The following FRMD4A variants were observed in gnomAD, a reference collection of about 807,000 sequenced individuals.
FRMD4A encodes FERM domain containing 4A, also known as FERM domain-containing protein 4A.
In FRMD4A, 29 loss-of-function variants were observed where a neutral mutation model predicts 129.1. The observed-to-expected ratio is 0.22, with a 90% CI of 0.17 to 0.31. The LOEUF (loss-of-function observed/expected upper bound fraction) is 0.31. FRMD4A is among the 10% of genes least tolerant of loss of function. FRMD4A has a pLI of 1.00. For synonymous variants in FRMD4A, 634 were observed against 571.6 expected (o/e 1.11, Z -1.56); for missense variants, 1,272 against 1,375.8 (o/e 0.92, Z 1.19).
chr10:13,746,760 A>G (rs979044613), intron 9 of FRMD4A, among the ~76,000 whole-genome samples: 1 of 152,228 alleles, frequency 6.6e-6, no homozygotes, highest in African/African-American at 2.4e-5. Flanking sequence ...GGAACATCAG[A>G]GAAGAGGTAT....
chr10:13,794,012 A>T lies in FRMD4A; in HGVS notation c.299+2484T>A, dbSNP rs372601679. 4.2e-4 allele frequency among the ~76,000 whole-genome samples: 64 copies of T among 152,086 alleles called. 1 individual carries two copies. In the South Asian group the frequency reaches 0.012, roughly 29 times the overall value. On this transcript the variant is annotated intron_variant, in intron 5 of 24. Transcript: ENST00000357447. ...GGCTGGGACCCTGGTGATGAGCCCC[A>T]CCCCACCCTTGGAGGCTGCTTCAAT...
chr10:13,695,543 T>A (rs750483110), intron 14 of FRMD4A, among the ~76,000 whole-genome samples: 24 of 152,250 alleles, frequency 1.6e-4, no homozygotes, highest in Non-Finnish European at 2.8e-4. Flanking sequence ...TTGCTTGTTT[T>A]CTTCTTCAGG....
At chr10:13,684,892 A>G in intron 15 of FRMD4A, 1 of 984,188 alleles carries the variant, frequency 1.0e-6, no homozygotes, top group Non-Finnish European at 1.2e-6. Flanking sequence ...AAAAATGAAG[A>G]AGGCGGTATA....
intron 2 of FRMD4A, among the ~76,000 whole-genome samples, chr10:13,882,165 G>A (rs1370734233): frequency 1.3e-5 from 2 of 151,960 alleles, no homozygotes; most frequent in African/African-American, 4.8e-5. Flanking sequence ...TTGTGGATGT[G>A]GTCAGGGGTA....
At chr10:13,703,545 T>C (rs1252733876) in intron 13 of FRMD4A, among the ~76,000 whole-genome samples, 1 of 152,198 alleles carries the variant, frequency 6.6e-6, no homozygotes, top group African/African-American at 2.4e-5. Flanking sequence ...TATCTGGCGT[T>C]GCCCATCCTA....
chr10:14,010,662 G>GTTTTTTTTTTTTTT (rs1404083388), intron 2 of FRMD4A, among the ~76,000 whole-genome samples: 19 of 66,446 alleles, frequency 2.9e-4, no homozygotes, highest in East Asian at 7.1e-4. Context: ...TCGAGTTTAG[G>GTTTTTTTTTTTTTT]TCTTTTTTTT....
intron 2 of FRMD4A, among the ~76,000 whole-genome samples, chr10:14,279,243 G>A (rs868578711): frequency 6.9e-6 from 1 of 144,250 alleles, no homozygotes; most frequent in Non-Finnish European, 1.5e-5. Flanking sequence ...GGCTGGAGTA[G>A]AGTGGCGCCA....
rs2092677475 is a variant in FRMD4A at position 13,779,178 on chromosome 10, G to A, written c.384+3744C>T. 2.0e-5 allele frequency among the ~76,000 whole-genome samples: 3 copies of A among 152,224 alleles called. No individual in the cohort carries two copies. The South Asian group carries it at 6.2e-4, about 32-fold the overall frequency. On this transcript the variant is annotated intron_variant, in intron 6 of 24. Transcript: ENST00000357447. ...CTAAAAATACAAAAATTAGCCAGGT[G>A]TGATGGCTGGTGCCTATAATTCCAC...
chr10:14,308,739 C>A lies in FRMD4A; in HGVS notation c.45+21319G>T, dbSNP rs1846436540. Among the ~76,000 whole-genome samples the A allele has an allele frequency of 2.6e-5, 4 of 152,238 alleles. No homozygotes were observed. The South Asian group carries it at 8.3e-4, about 32-fold the overall frequency. ...TTGTTTGAAAACAATGTCCTGATACCCTGCTGTCTTCCCAGTAGGCCCAGG... is the reference window on the plus strand; with the variant it reads ...TTGTTTGAAAACAATGTCCTGATACACTGCTGTCTTCCCAGTAGGCCCAGG... On this transcript the variant is annotated intron_variant, in intron 2 of 24. Transcript: ENST00000357447.
chr10:13,888,350 A>G (rs1259117910), intron 2 of FRMD4A, among the ~76,000 whole-genome samples: 1 of 152,200 alleles, frequency 6.6e-6, no homozygotes, highest in African/African-American at 2.4e-5. Context: ...TCTTACATCA[A>G]TGCCTAACTT....
At chr10:13,871,029 A>G in intron 2 of FRMD4A, 1 of 159,734 alleles carries the variant, frequency 6.3e-6, no homozygotes. Context: ...ACACCAGCTA[A>G]CTGCATCCTC....
chr10:13,837,907 G>A (rs963742417), intron 3 of FRMD4A, among the ~76,000 whole-genome samples: 3 of 152,136 alleles, frequency 2.0e-5, no homozygotes, highest in Non-Finnish European at 4.4e-5. Flanking sequence ...CAGCAATCAG[G>A]AATCTGGTGG....
chr10:13,960,021 T>C (rs1473756057), intron 2 of FRMD4A, among the ~76,000 whole-genome samples: 1 of 152,112 alleles, frequency 6.6e-6, no homozygotes, highest in Non-Finnish European at 1.5e-5. Context: ...CAAAGCCTCA[T>C]GGTGTAGGAG....
chr10:13,802,199 G>C (rs1290253672), intron 4 of FRMD4A, among the ~76,000 whole-genome samples: 1 of 152,162 alleles, frequency 6.6e-6, no homozygotes. Context: ...TTAAGATATT[G>C]CTTTTAGCTT....
Position 14,301,333 on chromosome 10 carries a change from C to A in FRMD4A, c.45+28725G>T, listed in dbSNP as rs140826544. On this transcript the variant is annotated intron_variant, in intron 2 of 24. Coordinates refer to ENST00000357447, the MANE Select transcript of FRMD4A (RefSeq NM_018027.5). ...GTGATTCCTTCTACAAACTAATGAA[C>A]CTGAAGGTGGTTTTGAGAACCCCTC... 7.9e-3 allele frequency among the ~76,000 whole-genome samples: 1,210 copies of A among 152,258 alleles called. 8 individuals carry two copies. The highest frequency in any genetic ancestry group is 0.038 in the East Asian group (198 of 5,176).
chr10:14,250,649 C>T (rs1156586331), intron 2 of FRMD4A, among the ~76,000 whole-genome samples: 1 of 152,216 alleles, frequency 6.6e-6, no homozygotes, highest in Non-Finnish European at 1.5e-5. Context: ...AGAGAATTAG[C>T]TAGTTCTCTT....
intron 24 of FRMD4A, among the ~76,000 whole-genome samples, chr10:13,650,913 T>C (rs2134441829): frequency 6.6e-6 from 1 of 151,590 alleles, no homozygotes; most frequent in Non-Finnish European, 1.5e-5. Context: ...GACCCCCTCA[T>C]TTCTGAATCC....
In FRMD4A at chr10:14,330,507, T is replaced by C. The variant is rs75489190; in HGVS notation, c.-82+90A>G. ...GACAATTAAAATAAAACATTCCCTA[T>C]TGCAGATAAATCAAGCAGCCCGAGC... On this transcript the variant is annotated intron_variant, in intron 1 of 24. Coordinates refer to ENST00000357447, the MANE Select transcript of FRMD4A (RefSeq NM_018027.5). The C allele has an allele frequency of 1.7e-4, 70 of 404,778 alleles. No individual in the cohort carries two copies. The East Asian group carries it at 2.4e-3, about 14-fold the overall frequency. 25.1% of individuals were successfully genotyped at this position (404,778 alleles called of 1,614,324 possible). A position where few individuals can be genotyped will look rare whatever the true frequency, so the allele number is the denominator to read the frequency against.
intron 4 of FRMD4A, among the ~76,000 whole-genome samples, chr10:13,806,142 C>T (rs980428887): frequency 2.6e-5 from 4 of 152,016 alleles, no homozygotes; most frequent in African/African-American, 7.3e-5. Context: ...CAGGTGTGAG[C>T]CACAATTTTT....
Sources: gnomAD v4.1 joint callset for allele counts (sites outside exome capture counted in the v4.1 genomes callset) on GRCh38, gnomAD v4.1.1 for gene constraint, MANE v1.5 for transcripts, NCBI Gene and HGNC (gene_info 2026-07-23, HGNC 2026-07-21) for gene names.